The following PRKAG2 variants were observed in gnomAD, a reference collection of about 807,000 sequenced individuals.
PRKAG2 encodes protein kinase AMP-activated non-catalytic subunit gamma 2.
In PRKAG2, 26 loss-of-function variants were observed where a neutral mutation model predicts 69.6. The observed-to-expected ratio is 0.37, with a 90% CI of 0.27 to 0.52. The LOEUF is 0.52. Ranked by LOEUF, PRKAG2 falls within the 20% of genes least tolerant of loss-of-function variation. The pLI is 0.90. For missense variants in PRKAG2, 557 were observed against 740.0 expected, an observed-to-expected ratio of 0.75 and a Z score of 2.87; for synonymous variants, 293 against 285.0, an observed-to-expected ratio of 1.03 and a Z score of -0.28.
chr7:151,578,878 T>C (rs1456958746), intron 6 of PRKAG2, among the ~76,000 whole-genome samples: 50 of 152,222 alleles, frequency 3.3e-4, no homozygotes, highest in Non-Finnish European at 4.4e-5. Flanking sequence ...TCCTAGAATA[T>C]ATTATAGAAG....
intron 3 of PRKAG2, among the ~76,000 whole-genome samples, chr7:151,727,171 C>T (rs893921532): frequency 2.0e-5 from 3 of 151,954 alleles, no homozygotes; most frequent in East Asian, 3.9e-4. Context: ...GCCAAGATTG[C>T]GTCATTGCAC....
intron 5 of PRKAG2, among the ~76,000 whole-genome samples, chr7:151,599,501 A>G (rs730226): frequency 6.6e-6 from 1 of 152,164 alleles, no homozygotes; most frequent in Non-Finnish European, 1.5e-5. Flanking sequence ...AAAACCCTTG[A>G]AGTCACCTAG....
intron 1 of PRKAG2, among the ~76,000 whole-genome samples, chr7:151,870,138 TAGATAGATAGATAGATAGGC>T (rs1299453498): frequency 7.7e-6 from 1 of 129,782 alleles, no homozygotes; most frequent in African/African-American, 2.7e-5. Flanking sequence ...GATAGATAGA[TAGATAGATAGATAGATAGGC>T]AGGCAGGCAG....
At chr7:151,573,174 T>C (rs79145386) in intron 8 of PRKAG2, among the ~76,000 whole-genome samples, 1,874 of 151,754 alleles carry the variant, frequency 0.012, 33 homozygotes, top group African/African-American at 0.043. Flanking sequence ...TTTTTTTTTT[T>C]TGAGACAAGG....
intron 6 of PRKAG2, among the ~76,000 whole-genome samples, chr7:151,582,138 A>T (rs1341294230): frequency 6.6e-6 from 1 of 152,174 alleles, no homozygotes. Context: ...TCGGTCCAAC[A>T]GAGGGATCGA....
At chr7:151,665,022 T>C (rs1172970155) in intron 4 of PRKAG2, among the ~76,000 whole-genome samples, 1 of 152,218 alleles carries the variant, frequency 6.6e-6, no homozygotes, top group East Asian at 1.9e-4. Context: ...TCCAAGGCCA[T>C]GCAATCTGTG....
intron 6 of PRKAG2, among the ~76,000 whole-genome samples, chr7:151,594,675 TACAGTTTAATAATGA>T (rs1254337937): frequency 6.6e-6 from 1 of 152,218 alleles, no homozygotes; most frequent in Non-Finnish European, 1.5e-5. Context: ...AGCGAGGCCA[TACAGTTTAATAATGA>T]ACAGCTTAGG....
chr7:151,632,626 C>A lies in PRKAG2; in HGVS notation c.685-488G>T, dbSNP rs899673243. 9 of 984,372 alleles carry A rather than the reference C, an allele frequency of 9.1e-6. No homozygotes were observed. The highest frequency in any genetic ancestry group is 1.1e-5 in the Non-Finnish European group (9 of 829,354). 61.0% of individuals were successfully genotyped at this position (984,372 alleles called of 1,614,324 possible). On this transcript the variant is annotated intron_variant, in intron 4 of 15. Transcript: ENST00000287878. The surrounding 1 kb of genome is among the most constrained non-coding windows in gnomAD (Gnocchi z 4.2). ...GCTCCACCTGCGCAGGTGTGGGCTC[C>A]GCGGCGCGGGGAGGGGGAGAGGGGC...
At chr7:151,855,785 A>T (rs1029243054) in intron 1 of PRKAG2, among the ~76,000 whole-genome samples, 1 of 152,222 alleles carries the variant, frequency 6.6e-6, no homozygotes, top group African/African-American at 2.4e-5. Flanking sequence ...GGATGGGTAG[A>T]GGCTCAGAGC....
rs1389544684 is a variant in PRKAG2 at position 151,828,182 on chromosome 7, G to A, written c.115-41641C>T. Among the ~76,000 whole-genome samples the A allele has an allele frequency of 6.6e-6, 1 of 152,212 alleles. No homozygotes were observed. The highest frequency in any genetic ancestry group is 6.5e-5 in the Admixed American group (1 of 15,282). ...GGAATGAGTGCAACTCTTTGTCCAG[G>A]GGTCTCCACGCTTTTGTGAGGAAGA... On this transcript the variant is annotated intron_variant, in intron 1 of 15. Transcript: ENST00000287878. This position sits in a 1 kb window ranked among gnomAD's most constrained non-coding sequence, Gnocchi z 4.6.
rs140520560 is a variant in PRKAG2 at position 151,837,665 on chromosome 7, G to A, written c.114+38842C>T. On this transcript the variant is annotated intron_variant, in intron 1 of 15. Coordinates refer to ENST00000287878, the MANE Select transcript of PRKAG2 (RefSeq NM_016203.4). ...GCTTAGAGAGTTCTGAATGCCACAC[G>A]CGAGGCACTTTTCTCAGGGGGCTCT... Among the ~76,000 whole-genome samples the A allele has an allele frequency of 1.3e-3, 198 of 152,262 alleles. 5 individuals are homozygous for A. The highest frequency in any genetic ancestry group is 0.011 in the Admixed American group (162 of 15,292).
chr7:151,853,501 G>A (rs1380867716), intron 1 of PRKAG2, among the ~76,000 whole-genome samples: 1 of 152,186 alleles, frequency 6.6e-6, no homozygotes, highest in African/African-American at 2.4e-5. Flanking sequence ...GCTCACGCCT[G>A]TAATCCCAGC....
intron 4 of PRKAG2, among the ~76,000 whole-genome samples, chr7:151,672,979 G>T (rs1832309635): frequency 6.6e-6 from 1 of 152,176 alleles, no homozygotes. Context: ...TTGACCAAGG[G>T]CTGCGTGGTT....
intron 3 of PRKAG2, among the ~76,000 whole-genome samples, chr7:151,706,935 G>C (rs534975742): frequency 1.4e-4 from 22 of 152,366 alleles, no homozygotes; most frequent in African/African-American, 4.8e-4. Context: ...TACCATGAGG[G>C]AAGAGGGTGC....
At chr7:151,832,243 G>A (rs1474624724) in intron 1 of PRKAG2, among the ~76,000 whole-genome samples, 1 of 24,722 alleles carries the variant, frequency 4.0e-5, no homozygotes, top group African/African-American at 1.1e-4. Flanking sequence ...AGAGGAGGAG[G>A]GAAGGAAGGG....
At chr7:151,688,042 G>GCCCAC (rs1554539803) in intron 3 of PRKAG2, among the ~76,000 whole-genome samples, 1 of 106,982 alleles carries the variant, frequency 9.3e-6, no homozygotes, top group Admixed American at 9.4e-5. Context: ...AGGAAATGAG[G>GCCCAC]CCCCCCCCCG....
At position 151,565,207 on chromosome 7, in the gene PRKAG2, T is replaced by C. The variant is rs143529602; in HGVS notation, c.1437+139A>G. 16 of 690,452 alleles carry C rather than the reference T, an allele frequency of 2.3e-5. No homozygotes were observed. In the African/African-American group the frequency reaches 2.6e-4, roughly 11 times the overall value. The allele number at this position is 690,452 out of a possible 1,614,324, so 42.8% of individuals were successfully genotyped here. On this transcript the variant is annotated intron_variant, in intron 13 of 15. Transcript: ENST00000287878. ...AAGTACAATTACTATAGAAGGTCTATAAAATTCTGATAATATCCTCACACC... is the reference window on the plus strand; with the variant it reads ...AAGTACAATTACTATAGAAGGTCTACAAAATTCTGATAATATCCTCACACC...
chr7:151,658,196 A>AATAAATAT lies in PRKAG2; in HGVS notation c.684+17223_684+17224insATATTTAT, dbSNP rs60693509. Among the ~76,000 whole-genome samples, 349 of 142,378 alleles carry AATAAATAT rather than the reference A, an allele frequency of 2.5e-3. 1 individual carries two copies. Among genetic ancestry groups the AATAAATAT allele is most frequent in the African/African-American group, 9.0e-3 (340 of 37,892 alleles). 93.4% of individuals were successfully genotyped at this position (142,378 alleles called of 152,430 possible). A position where few individuals can be genotyped will look rare whatever the true frequency, so the allele number is the denominator to read the frequency against. On this transcript the variant is annotated intron_variant, in intron 4 of 15. Transcript: ENST00000287878. ...AAATAAATAAATAAATAAATAAATA[A>AATAAATAT]GAATAATAGGGCTGGGTGCAGTGGC...
chr7:151,638,143 G>A lies in PRKAG2; in HGVS notation c.685-6005C>T, dbSNP rs1826048916. Among the ~76,000 whole-genome samples, 1 of 152,192 alleles carries A rather than the reference G, an allele frequency of 6.6e-6. No individual in the cohort carries two copies. ...AGAACAAAATGGGCCAACCATGGCA[G>A]GGAGGAACTGGGTTCTGCTAACAGC... On this transcript the variant is annotated intron_variant, in intron 4 of 15. Transcript: ENST00000287878. This position sits in a 1 kb window ranked among gnomAD's most constrained non-coding sequence, Gnocchi z 4.3.
Sources: gnomAD v4.1 joint callset for allele counts (sites outside exome capture counted in the v4.1 genomes callset) on GRCh38, gnomAD v4.1.1 for gene constraint, Gnocchi (gnomAD v3.1) non-coding constraint, MANE v1.5 for transcripts, NCBI Gene and HGNC (gene_info 2026-07-23, HGNC 2026-07-21) for gene names.